Variants in ARHGEF28 observed in about 807,000 individuals in gnomAD.
ARHGEF28 encodes the protein Rho guanine nucleotide exchange factor 28, also known as 190 kDa guanine nucleotide exchange factor.
ARHGEF28 carries 152 observed loss-of-function variants against 206.6 expected under a neutral mutation model. The ratio of observed to expected loss-of-function variants is 0.74; its 90% CI spans 0.64 to 0.84. The LOEUF (loss-of-function observed/expected upper bound fraction) is 0.84, where lower values mean the gene tolerates loss of function less well. Among genes scored for constraint, ARHGEF28 ranks in the 40% least tolerant of loss-of-function variants. ARHGEF28 has a pLI of 0.00. For synonymous variants in ARHGEF28, 763 were observed against 776.4 expected (o/e 0.98, Z 0.29); for missense variants, 2,028 against 2,073.2 (o/e 0.98, Z 0.42).
At chr5:73,916,491 C>T (rs1165019155) in intron 35 of ARHGEF28, among the ~76,000 whole-genome samples, 1 of 152,160 alleles carries the variant, frequency 6.6e-6, no homozygotes, top group Non-Finnish European at 1.5e-5. Context: ...TTGGTTTCTT[C>T]CGAGGCCTCT....
intron 2 of ARHGEF28, among the ~76,000 whole-genome samples, chr5:73,701,345 C>T (rs1287800393): frequency 6.6e-6 from 1 of 152,012 alleles, no homozygotes; most frequent in Non-Finnish European, 1.5e-5. Flanking sequence ...GGAGTTTTCC[C>T]CCAGGCAAAG....
chr5:73,731,025 C>T (rs541585265), intron 2 of ARHGEF28, among the ~76,000 whole-genome samples: 57 of 131,600 alleles, frequency 4.3e-4, no homozygotes, highest in Non-Finnish European at 7.3e-4. Flanking sequence ...AAAAAAAAAC[C>T]CTCTAATCTC....
chr5:73,664,266 T>C (rs1745804525), intron 1 of ARHGEF28, among the ~76,000 whole-genome samples: 1 of 152,260 alleles, frequency 6.6e-6, no homozygotes, highest in Admixed American at 6.5e-5. Context: ...TTGCTTCATT[T>C]ACCCTAAGAC....
intron 18 of ARHGEF28, 30 bp downstream of exon 18, chr5:73,866,043 T>C: frequency 6.5e-7 from 1 of 1,530,770 alleles, no homozygotes; most frequent in Non-Finnish European, 8.9e-7. Context: ...ACAAGAACTT[T>C]TAAAAATTTA....
chr5:73,681,471 T>G (rs1747094919), intron 1 of ARHGEF28, among the ~76,000 whole-genome samples: 1 of 152,206 alleles, frequency 6.6e-6, no homozygotes, highest in South Asian at 2.1e-4. Flanking sequence ...GTATTATCTT[T>G]AATTTGAAGT....
At chr5:73,905,367 A>G (rs1389040547) in intron 33 of ARHGEF28, 1 of 151,924 alleles carries the variant, frequency 6.6e-6, no homozygotes, top group Non-Finnish European at 1.5e-5. Context: ...AAGGTTGGAG[A>G]CCACTACCTT....
intron 1 of ARHGEF28, among the ~76,000 whole-genome samples, chr5:73,635,088 A>G (rs1431151073): frequency 6.6e-6 from 1 of 152,200 alleles, no homozygotes; most frequent in African/African-American, 2.4e-5. Flanking sequence ...TCACGCTTGT[A>G]ATCCCAGCAC....
intron 2 of ARHGEF28, among the ~76,000 whole-genome samples, chr5:73,720,457 G>A (rs1163908814): frequency 2.0e-5 from 3 of 152,124 alleles, no homozygotes; most frequent in East Asian, 3.9e-4. Context: ...AGGAGAGATT[G>A]GACTCAGCCT....
chr5:73,916,734 CAG>C (rs1450249843), intron 35 of ARHGEF28, among the ~76,000 whole-genome samples: 2 of 152,132 alleles, frequency 1.3e-5, no homozygotes, highest in East Asian at 1.9e-4. Context: ...CAGCTCTTAA[CAG>C]GGGACAAAAT....
chr5:73,712,452 C>T (rs1461968222), intron 2 of ARHGEF28, among the ~76,000 whole-genome samples: 4 of 152,118 alleles, frequency 2.6e-5, no homozygotes, highest in African/African-American at 9.7e-5. Flanking sequence ...CTTTCTCTGC[C>T]TCTTGGTAGA....
chr5:73,628,544 G>C (rs1743150852), intron 1 of ARHGEF28, among the ~76,000 whole-genome samples: 1 of 152,166 alleles, frequency 6.6e-6, no homozygotes, highest in Non-Finnish European at 1.5e-5. Flanking sequence ...TAGGTTTTGT[G>C]TAATTGCATT....
intron 1 of ARHGEF28, among the ~76,000 whole-genome samples, chr5:73,646,118 C>G (rs1224905486): frequency 6.6e-6 from 1 of 152,176 alleles, no homozygotes; most frequent in Non-Finnish European, 1.5e-5. Flanking sequence ...TGTTGGCACT[C>G]TCTTCTAAGC....
At chr5:73,923,399 G>A (rs1421399758) in intron 35 of ARHGEF28, among the ~76,000 whole-genome samples, 2 of 152,080 alleles carry the variant, frequency 1.3e-5, no homozygotes, top group South Asian at 2.1e-4. Flanking sequence ...GAACTCTGTC[G>A]GCTGGAAGCG....
chr5:73,760,305 T>G (rs770767971), intron 4 of ARHGEF28, among the ~76,000 whole-genome samples: 10 of 64,936 alleles, frequency 1.5e-4, no homozygotes, highest in African/African-American at 1.0e-3. Flanking sequence ...GTTTCCAGTG[T>G]TTTTTTTTTT....
At chr5:73,709,768 T>TAGAG (rs1318817608) in intron 2 of ARHGEF28, among the ~76,000 whole-genome samples, 4 of 152,216 alleles carry the variant, frequency 2.6e-5, no homozygotes, top group Admixed American at 1.3e-4. Context: ...TGTTTGCTCA[T>TAGAG]AGAGCCTCCA....
chr5:73,677,213 G>A (rs1324984169), intron 1 of ARHGEF28, among the ~76,000 whole-genome samples: 1 of 152,150 alleles, frequency 6.6e-6, no homozygotes, highest in African/African-American at 2.4e-5. Context: ...CATTTTTTGA[G>A]TATTTTTATC....
intron 4 of ARHGEF28, among the ~76,000 whole-genome samples, chr5:73,767,425 G>A (rs888511143): frequency 6.6e-6 from 1 of 152,116 alleles, no homozygotes; most frequent in Admixed American, 6.6e-5. Flanking sequence ...AATGATTATA[G>A]CAATATGGAC....
At chr5:73,804,713 A>T (rs772652287) in intron 9 of ARHGEF28, among the ~76,000 whole-genome samples, 52 of 151,046 alleles carry the variant, frequency 3.4e-4, no homozygotes, top group Non-Finnish European at 6.3e-4. Flanking sequence ...TTTTTTTTTC[A>T]TCATTACACT....
In ARHGEF28 at chr5:73,909,625, GAGC is replaced by G. The variant is rs1461225832; in HGVS notation, c.4385_4387del (p.Gln1462del). On this transcript the variant is annotated inframe_deletion, in exon 34 of 36. Coordinates refer to ENST00000513042, the MANE Select transcript of ARHGEF28 (RefSeq NM_001177693.2). ...GCAGCGGCGCTGGCTGCGCAGGTGT[GAGC>G]AGCAGCAGCGGGCGCAGGCGACCAG... 13 of 1,551,172 alleles carry G rather than the reference GAGC, an allele frequency of 8.4e-6. No individual in the cohort carries two copies. In the East Asian group the frequency reaches 2.9e-4, roughly 35 times the overall value.
Sources: allele counts gnomAD v4.1 joint callset (sites outside exome capture counted in the v4.1 genomes callset), GRCh38; gene constraint gnomAD v4.1.1; transcripts MANE v1.5; gene names NCBI Gene and HGNC (gene_info 2026-07-23, HGNC 2026-07-21).